Variants in DCC observed in about 807,000 individuals in gnomAD.
DCC encodes the protein netrin receptor DCC.
Under a neutral mutation model 172.5 loss-of-function variants are expected in DCC, and 58 were observed. The ratio of observed to expected loss-of-function variants is 0.34; its 90% CI spans 0.27 to 0.42. DCC has a LOEUF of 0.42. Ranked by LOEUF, DCC falls within the 10% of genes least tolerant of loss-of-function variation. DCC has a pLI of 1.00. For synonymous variants in DCC, 709 were observed against 644.5 expected (o/e 1.10, Z -1.52); for missense variants, 1,740 against 1,791.0 (o/e 0.97, Z 0.51).
At chr18:52,938,923 A>T (rs2040421181) in intron 5 of DCC, among the ~76,000 whole-genome samples, 1 of 151,760 alleles carries the variant, frequency 6.6e-6, no homozygotes, top group Non-Finnish European at 1.5e-5. Context: ...AAACCTCCTA[A>T]CTTGTCTCTC....
chr18:53,145,286 T>A (rs190713263), intron 7 of DCC, among the ~76,000 whole-genome samples: 6 of 152,124 alleles, frequency 3.9e-5, no homozygotes, highest in Non-Finnish European at 4.4e-5. Context: ...GCTAATTGTT[T>A]GTATTTTTGG....
chr18:52,727,671 C>T (rs905228801), intron 1 of DCC, among the ~76,000 whole-genome samples: 7 of 151,944 alleles, frequency 4.6e-5, no homozygotes, highest in Non-Finnish European at 1.0e-4. Context: ...TCCAGTGAAT[C>T]AAAGGAAAAT....
chr18:52,340,723 T>C lies in DCC; in HGVS notation c.-65T>C. 1 of 1,119,862 alleles carries C rather than the reference T, an allele frequency of 8.9e-7. No individual in the cohort carries two copies. The highest frequency in any genetic ancestry group is 1.2e-5 in the South Asian group (1 of 81,260). The allele number at this position is 1,119,862 out of a possible 1,614,324, so 69.4% of individuals were successfully genotyped here. A position where few individuals can be genotyped will look rare whatever the true frequency, so the allele number is the denominator to read the frequency against. On this transcript the variant is annotated 5_prime_UTR_variant, in exon 1 of 29. An upstream open reading frame in the 5' UTR loses its in-frame stop. Coordinates refer to ENST00000442544, the MANE Select transcript of DCC (RefSeq NM_005215.4). ...GTGTGTGCATGTGTGCATGCGTGTG[T>C]GAGTGCATGTGTGTGAGTGCTGCCG...
chr18:52,461,334 A>AATACCCCCCGAAGGACTTGCCTGAGGCT, intron 1 of DCC, among the ~76,000 whole-genome samples: 1 of 152,156 alleles, frequency 6.6e-6, no homozygotes. Context: ...CTTCTTTGGG[A>AATACCCCCCGAAGGACTTGCCTGAGGCT]ATACCCCCCG....
chr18:52,619,816 T>C (rs1015929861), intron 1 of DCC, among the ~76,000 whole-genome samples: 1 of 152,198 alleles, frequency 6.6e-6, no homozygotes, highest in Non-Finnish European at 1.5e-5. Context: ...AAATTTTCCC[T>C]ACGCAAAATC....
intron 1 of DCC, among the ~76,000 whole-genome samples, chr18:52,472,896 G>C (rs1297953379): frequency 1.3e-5 from 2 of 152,100 alleles, no homozygotes; most frequent in Non-Finnish European, 2.9e-5. Context: ...GACAGAGCAA[G>C]ACCCTGCCTC....
intron 27 of DCC, among the ~76,000 whole-genome samples, chr18:53,520,682 C>T (rs2046389822): frequency 6.6e-6 from 1 of 152,034 alleles, no homozygotes; most frequent in South Asian, 2.1e-4. Context: ...AAAATACAAA[C>T]ATCATGTAGG....
chr18:52,676,518 G>A (rs562350428), intron 1 of DCC, among the ~76,000 whole-genome samples: 33 of 152,198 alleles, frequency 2.2e-4, no homozygotes, highest in African/African-American at 7.9e-4. Flanking sequence ...TTACAAACAA[G>A]TCCTAGCTCC....
chr18:52,914,543 A>T (rs1410929093), intron 3 of DCC, among the ~76,000 whole-genome samples: 1 of 56,226 alleles, frequency 1.8e-5, no homozygotes, highest in African/African-American at 5.5e-5. Context: ...CTCCATGTCC[A>T]AAAGCTCCTT....
chr18:53,258,204 T>G (rs905118243), intron 12 of DCC, among the ~76,000 whole-genome samples: 3 of 152,226 alleles, frequency 2.0e-5, no homozygotes, highest in Non-Finnish European at 4.4e-5. Flanking sequence ...TTTGTGTCTC[T>G]ATTTCCTTCA....
intron 12 of DCC, among the ~76,000 whole-genome samples, chr18:53,269,162 G>A (rs1411766881): frequency 3.9e-5 from 6 of 152,004 alleles, no homozygotes; most frequent in African/African-American, 1.5e-4. Flanking sequence ...GTGCATATGG[G>A]ATTTTTCTTT....
intron 1 of DCC, among the ~76,000 whole-genome samples, chr18:52,740,561 A>AT (rs1465178886): frequency 6.6e-6 from 1 of 152,166 alleles, no homozygotes; most frequent in African/African-American, 2.4e-5. Flanking sequence ...GGTTTGCTGA[A>AT]TTTTTAAGGT....
At chr18:52,394,755 T>C (rs1014346387) in intron 1 of DCC, among the ~76,000 whole-genome samples, 5 of 152,076 alleles carry the variant, frequency 3.3e-5, no homozygotes, top group Non-Finnish European at 7.4e-5. Context: ...CAGTAAACTC[T>C]GGTTTTCAAG....
intron 1 of DCC, among the ~76,000 whole-genome samples, chr18:52,524,685 T>A (rs2031925199): frequency 6.6e-6 from 1 of 152,314 alleles, no homozygotes; most frequent in South Asian, 2.1e-4. Flanking sequence ...TGATGAACAG[T>A]GGAGCCAAAG....
At chr18:53,190,004 G>A (rs1422399900) in intron 9 of DCC, among the ~76,000 whole-genome samples, 1 of 152,186 alleles carries the variant, frequency 6.6e-6, no homozygotes, top group East Asian at 1.9e-4. Context: ...CTGGCTTACT[G>A]TAACCTCCAC....
chr18:53,293,273 G>A (rs1052806957), intron 12 of DCC, among the ~76,000 whole-genome samples: 4 of 152,126 alleles, frequency 2.6e-5, no homozygotes, highest in African/African-American at 9.7e-5. Context: ...ATTCAGAAAT[G>A]CACACTACAC....
chr18:52,949,990 G>A (rs1448521683), intron 5 of DCC, among the ~76,000 whole-genome samples: 2 of 152,160 alleles, frequency 1.3e-5, no homozygotes, highest in East Asian at 3.9e-4. Context: ...ATTTATTGAG[G>A]ACCTATGTAC....
intron 2 of DCC, among the ~76,000 whole-genome samples, chr18:52,830,941 T>C (rs1158469571): frequency 6.6e-6 from 1 of 152,050 alleles, no homozygotes; most frequent in Non-Finnish European, 1.5e-5. Flanking sequence ...AAACAATTGA[T>C]AGAGTTTATT....
At chr18:53,005,056 C>A (rs1487155290) in intron 5 of DCC, among the ~76,000 whole-genome samples, 2 of 152,126 alleles carry the variant, frequency 1.3e-5, no homozygotes, top group Non-Finnish European at 2.9e-5. Flanking sequence ...TGCTCTCTTG[C>A]CCTTCCACTT....
Sources: gnomAD v4.1 joint callset for allele counts (sites outside exome capture counted in the v4.1 genomes callset) on GRCh38, gnomAD v4.1.1 for gene constraint, MANE v1.5 for transcripts, NCBI Gene and HGNC (gene_info 2026-07-23, HGNC 2026-07-21) for gene names.